The following SIPA1L1 variants were observed in gnomAD, a reference collection of about 807,000 sequenced individuals.
The protein encoded by SIPA1L1 is signal induced proliferation associated 1 like 1.
Under a neutral mutation model 162.7 loss-of-function variants are expected in SIPA1L1, and 26 were observed. The observed-to-expected ratio is 0.16, with a 90% CI of 0.12 to 0.22. SIPA1L1 has a LOEUF of 0.22. Among genes scored for constraint, SIPA1L1 ranks in the 10% least tolerant of loss-of-function variants. SIPA1L1 has a pLI of 1.00. For missense variants in SIPA1L1, 1,874 were observed against 2,241.0 expected (o/e 0.84, Z 3.31); for synonymous variants, 829 against 837.4 (o/e 0.99, Z 0.17).
At chr14:71,526,708 A>G (rs933568091) in intron 3 of SIPA1L1, among the ~76,000 whole-genome samples, 5 of 152,080 alleles carry the variant, frequency 3.3e-5, no homozygotes, top group Non-Finnish European at 7.4e-5. Context: ...TGAAATATTT[A>G]CTATTTGGCC....
chr14:71,702,423 G>T lies in SIPA1L1; in HGVS notation c.3564G>T (p.Gln1188His). The T allele has an allele frequency of 8.1e-6, 13 of 1,614,156 alleles. No homozygotes were observed. The highest frequency in any genetic ancestry group is 1.1e-5 in the Non-Finnish European group (13 of 1,179,992). ...SRRSPASIDR[Q>H]NTQSDIGGSG... ...GATCCCCAGCCTCCATTGACAGGCA[G>T]AACACCCAGTCAGATATTGGTGGCA... Residue 1188 changes from glutamine (Q) to histidine (H), a missense_variant, in exon 15 of 24, where the codon CAG becomes CAT. By Grantham distance (24) the Gln-to-His change is conservative (BLOSUM62 0). Transcript: ENST00000381232.
At chr14:71,412,044 T>C (rs1382189413) in intron 2 of SIPA1L1, among the ~76,000 whole-genome samples, 1 of 152,254 alleles carries the variant, frequency 6.6e-6, no homozygotes, top group Non-Finnish European at 1.5e-5. Context: ...TATAATTAGT[T>C]GTAGCTCATT....
chr14:71,589,662 C>T (rs1434710959), intron 5 of SIPA1L1, among the ~76,000 whole-genome samples: 1 of 152,064 alleles, frequency 6.6e-6, no homozygotes, highest in South Asian at 2.1e-4. Flanking sequence ...AGTAGATTTG[C>T]TGTGTCACCT....
At chr14:71,518,071 C>T (rs2051923820) in intron 3 of SIPA1L1, among the ~76,000 whole-genome samples, 1 of 151,934 alleles carries the variant, frequency 6.6e-6, no homozygotes, top group Admixed American at 6.6e-5. Context: ...ATCACTTGAG[C>T]TCAGGAGTTA....
intron 2 of SIPA1L1, among the ~76,000 whole-genome samples, chr14:71,437,403 T>C (rs1188639408): frequency 6.6e-6 from 1 of 152,156 alleles, no homozygotes; most frequent in African/African-American, 2.4e-5. Flanking sequence ...AGTCTCGTTC[T>C]GTCACCCAGG....
At chr14:71,322,850 G>A (rs549035967) in intron 2 of SIPA1L1, among the ~76,000 whole-genome samples, 1 of 152,330 alleles carries the variant, frequency 6.6e-6, no homozygotes, top group African/African-American at 2.4e-5. Flanking sequence ...TGTTGCTGTT[G>A]TTAGCTTCTC....
chr14:71,442,290 G>A (rs1206277424), intron 2 of SIPA1L1, among the ~76,000 whole-genome samples: 1 of 151,584 alleles, frequency 6.6e-6, no homozygotes, highest in Non-Finnish European at 1.5e-5. Context: ...ATTAGAAAGG[G>A]TCAGTATCCT....
chr14:71,621,754 G>A (rs1338826331), intron 6 of SIPA1L1, among the ~76,000 whole-genome samples: 1 of 152,080 alleles, frequency 6.6e-6, no homozygotes, highest in East Asian at 1.9e-4. Flanking sequence ...TCCTCAAATG[G>A]TGCCTTGCCT....
intron 6 of SIPA1L1, among the ~76,000 whole-genome samples, chr14:71,623,409 T>C (rs1243863204): frequency 6.6e-6 from 1 of 152,198 alleles, no homozygotes; most frequent in East Asian, 1.9e-4. Context: ...CATCATTACG[T>C]AGGAAAATGT....
rs111570735 is a variant in SIPA1L1 at position 71,696,128 on chromosome 14, G to T, written c.3375-2853G>T. Among the ~76,000 whole-genome samples the T allele has an allele frequency of 2.9e-3, 439 of 152,236 alleles. 6 individuals carry two copies. Among genetic ancestry groups the T allele is most frequent in the African/African-American group, 1.0e-2 (415 of 41,526 alleles). ...ACTAGTACGTGGCCCCGCCATACCT[G>T]CCCCACGCATACACTACTTTGAGAT... On this transcript the variant is annotated intron_variant, in intron 13 of 23. Transcript: ENST00000381232.
At chr14:71,676,686 T>G (rs1368542911) in intron 12 of SIPA1L1, among the ~76,000 whole-genome samples, 1 of 141,252 alleles carries the variant, frequency 7.1e-6, no homozygotes, top group African/African-American at 2.6e-5. Context: ...CCAAGTGTTC[T>G]CATTATTCAG....
At chr14:71,658,303 A>G (rs537900528) in intron 8 of SIPA1L1, 30 bp from the exon 9 acceptor site, 2 of 943,486 alleles carry the variant, frequency 2.1e-6, no homozygotes, top group South Asian at 2.7e-5. Context: ...TGTTATAGTC[A>G]TCTCATCATT....
At chr14:71,527,215 A>G (rs2145168953) in intron 3 of SIPA1L1, among the ~76,000 whole-genome samples, 1 of 152,240 alleles carries the variant, frequency 6.6e-6, no homozygotes, top group Non-Finnish European at 1.5e-5. Context: ...TGGTGCAATT[A>G]GAGCTCACTG....
intron 2 of SIPA1L1, among the ~76,000 whole-genome samples, chr14:71,485,082 T>TAG (rs1342177753): frequency 6.6e-6 from 1 of 152,186 alleles, no homozygotes; most frequent in Non-Finnish European, 1.5e-5. Context: ...AGGGTGGGAA[T>TAG]AGAGAAAGAG....
chr14:71,432,136 G>A (rs953830107), intron 2 of SIPA1L1, among the ~76,000 whole-genome samples: 3 of 151,980 alleles, frequency 2.0e-5, no homozygotes, highest in Non-Finnish European at 2.9e-5. Context: ...GTACATTGGC[G>A]TGATCACAGC....
At chr14:71,344,370 C>A (rs2035945229) in intron 2 of SIPA1L1, among the ~76,000 whole-genome samples, 1 of 152,152 alleles carries the variant, frequency 6.6e-6, no homozygotes, top group South Asian at 2.1e-4. Context: ...TGAAATGAGA[C>A]AATGTATATA....
At chr14:71,703,439 T>G (rs2149864230) in intron 15 of SIPA1L1, among the ~76,000 whole-genome samples, 1 of 152,334 alleles carries the variant, frequency 6.6e-6, no homozygotes, top group Admixed American at 6.5e-5. Context: ...TGTGTTCCAC[T>G]AAGACAGGGG....
Position 71,588,868 on chromosome 14 carries a change from C to T in SIPA1L1, c.996C>T (p.Ala332=). ...CCTGGACATGTCCAAAGTGCTTTGC[C>T]CACTATGATGTCCAGAGTATATTAT... ...VRPWTCPKCF[A]HYDVQSILFD... Residue 332 remains alanine, a synonymous_variant, in exon 5 of 24, where the codon GCC becomes GCT. Transcript: ENST00000381232. The surrounding 1 kb of genome is among the most constrained non-coding windows in gnomAD (Gnocchi z 4.3). The T allele has an allele frequency of 6.2e-7, 1 of 1,614,080 alleles. No individual in the cohort carries two copies. Among genetic ancestry groups the T allele is most frequent in the Non-Finnish European group, 8.5e-7 (1 of 1,179,980 alleles).
chr14:71,335,306 GA>G lies in SIPA1L1; in HGVS notation c.-465+14134del, dbSNP rs923679144. On this transcript the variant is annotated intron_variant, in intron 2 of 23. Coordinates refer to ENST00000381232, the MANE Select transcript of SIPA1L1 (RefSeq NM_001386936.1). ...GACAGAGTGAGACTGTGTCTCAAAA[GA>G]AAAAAAAATGTCTTTAGCCAACAGA... is the stretch of plus-strand genomic sequence containing the variant. Among the ~76,000 whole-genome samples, 16 of 150,976 alleles carry G rather than the reference GA, an allele frequency of 1.1e-4. No homozygotes were observed. In the East Asian group the frequency reaches 1.7e-3, roughly 16 times the overall value.
Sources: allele counts gnomAD v4.1 joint callset (sites outside exome capture counted in the v4.1 genomes callset), GRCh38; gene constraint gnomAD v4.1.1; non-coding constraint Gnocchi (gnomAD v3.1); transcripts MANE v1.5; gene names NCBI Gene and HGNC (gene_info 2026-07-23, HGNC 2026-07-21).